The following ARHGAP32 variants were observed in gnomAD, a reference collection of about 807,000 sequenced individuals.
The protein encoded by ARHGAP32 is rho GTPase-activating protein 32.
In ARHGAP32, 51 loss-of-function variants were observed where a neutral mutation model predicts 186.5. The observed-to-expected ratio is 0.27, with a 90% CI of 0.22 to 0.35. The LOEUF is 0.35. ARHGAP32 is among the 10% of genes least tolerant of loss of function. ARHGAP32 has a pLI of 1.00. For missense variants in ARHGAP32, 2,186 were observed against 2,623.5 expected, an observed-to-expected ratio of 0.83 and a Z score of 3.64; for synonymous variants, 950 against 964.3, an observed-to-expected ratio of 0.99 and a Z score of 0.27.
At chr11:129,140,308 A>G (rs1172593018) in intron 2 of ARHGAP32, among the ~76,000 whole-genome samples, 1 of 152,196 alleles carries the variant, frequency 6.6e-6, no homozygotes, top group Non-Finnish European at 1.5e-5. Flanking sequence ...AACCCAGCCC[A>G]GCCAATACTT....
intron 2 of ARHGAP32, among the ~76,000 whole-genome samples, chr11:129,150,242 A>G (rs1347281197): frequency 6.6e-6 from 1 of 152,100 alleles, no homozygotes; most frequent in East Asian, 1.9e-4. Context: ...TAGAAAACTT[A>G]TTTGTAGGGT....
At chr11:129,064,784 T>C in intron 8 of ARHGAP32, 57 bp downstream of exon 8, 6 of 1,334,300 alleles carry the variant, frequency 4.5e-6, no homozygotes, top group Non-Finnish European at 6.3e-6. Flanking sequence ...TAATATCAAA[T>C]TTCTTAAGTA....
Position 129,141,637 on chromosome 11 carries a change from A to G in ARHGAP32, c.226-16743T>C, listed in dbSNP as rs113522680. The stretch of plus-strand genomic sequence containing the variant: ...AAAGTATAATTAAAAAAAAAAAAAG[A>G]AAGAAAAAATGGTTAAGATGGTAAA... On this transcript the variant is annotated intron_variant, in intron 2 of 22. Transcript: ENST00000682385. Among the ~76,000 whole-genome samples the G allele has an allele frequency of 4.6e-3, 694 of 150,958 alleles. 5 individuals carry two copies. Among genetic ancestry groups the G allele is most frequent in the Non-Finnish European group, 8.5e-3 (576 of 67,652 alleles).
chr11:129,241,048 C>CA (rs1234585084), intron 1 of ARHGAP32, among the ~76,000 whole-genome samples: 4 of 152,126 alleles, frequency 2.6e-5, no homozygotes, highest in Non-Finnish European at 5.9e-5. Context: ...CAGCTTTGAG[C>CA]AAGTTATTTA....
At chr11:129,161,076 T>C (rs773853158) in intron 2 of ARHGAP32, among the ~76,000 whole-genome samples, 14 of 152,162 alleles carry the variant, frequency 9.2e-5, no homozygotes, top group Admixed American at 5.2e-4. Context: ...ATTTAATAAA[T>C]AGTGTTACGA....
chr11:129,271,162 T>C (rs569358459), intron 1 of ARHGAP32, among the ~76,000 whole-genome samples: 2 of 152,334 alleles, frequency 1.3e-5, no homozygotes, highest in South Asian at 2.1e-4. Flanking sequence ...TAACATTATT[T>C]TGGCTCCCGT....
At chr11:128,999,366 C>T (rs1946290612) in intron 11 of ARHGAP32, among the ~76,000 whole-genome samples, 1 of 152,172 alleles carries the variant, frequency 6.6e-6, no homozygotes, top group Non-Finnish European at 1.5e-5. Context: ...AACCCTGTTT[C>T]CTGTTAAAAT....
At chr11:129,061,087 T>C (rs1223827173) in intron 10 of ARHGAP32, among the ~76,000 whole-genome samples, 1 of 152,140 alleles carries the variant, frequency 6.6e-6, no homozygotes, top group Non-Finnish European at 1.5e-5. Flanking sequence ...TATAAAAAGC[T>C]AATAATTCAT....
chr11:129,227,240 C>T (rs1305883805), intron 1 of ARHGAP32, among the ~76,000 whole-genome samples: 1 of 151,738 alleles, frequency 6.6e-6, no homozygotes, highest in African/African-American at 2.4e-5. Flanking sequence ...ATCCCCAGGG[C>T]AACCACTAAC....
rs1261095695 is a variant in ARHGAP32, at chr11:129,276,295, T to TG, written c.-5+2850_-5+2851insC. Among the ~76,000 whole-genome samples, 17 of 146,136 alleles carry TG rather than the reference T, an allele frequency of 1.2e-4. No homozygotes were observed. The East Asian group carries it at 3.5e-3, about 30-fold the overall frequency. On this transcript the variant is annotated intron_variant, in intron 1 of 6. Transcript: ENST00000525234. ...TAACACGTTCTCATTCCTTATCTGTTTTTGTTGTTGTTGTTGTTGTTTTGA... is the reference window on the plus strand; with the variant it reads ...TAACACGTTCTCATTCCTTATCTGTTGTTTGTTGTTGTTGTTGTTGTTTTGA...
intron 5 of ARHGAP32, among the ~76,000 whole-genome samples, chr11:129,099,562 C>A (rs1330007343): frequency 6.6e-6 from 1 of 151,652 alleles, no homozygotes; most frequent in Admixed American, 6.6e-5. Flanking sequence ...CACTTTAGAC[C>A]CAAATACACA....
At chr11:129,051,290 C>T (rs1940031022) in intron 10 of ARHGAP32, among the ~76,000 whole-genome samples, 1 of 152,208 alleles carries the variant, frequency 6.6e-6, no homozygotes, top group South Asian at 2.1e-4. Flanking sequence ...TTCTCCACAT[C>T]CTCTCCAGCA....
Position 128,969,186 on chromosome 11 carries a change from C to T in ARHGAP32, c.6027G>A (p.Gln2009=), listed in dbSNP as rs751704567. 1.2e-5 allele frequency: 19 copies of T among 1,613,694 alleles called. No individual in the cohort carries two copies. In the East Asian group the frequency reaches 4.2e-4, roughly 36 times the overall value. ...GCACACTGGGGTCCCTCTCCACGTT[C>T]TGGGTATGATGGAGTTTGAGGCTAT... is the stretch of plus-strand genomic sequence containing the variant. ...RSHSLKLHHT[Q]NVERDPSVLY... is the part of the protein sequence containing the mutation. Residue 2009 remains glutamine, a synonymous_variant, in exon 23 of 23, where the codon CAG becomes CAA. Transcript: ENST00000682385. This position sits in a 1 kb window ranked among gnomAD's most constrained non-coding sequence, Gnocchi z 4.8.
At chr11:129,259,866 TTTTG>T (rs1175647134) in intron 1 of ARHGAP32, among the ~76,000 whole-genome samples, 4 of 152,312 alleles carry the variant, frequency 2.6e-5, no homozygotes, top group Non-Finnish European at 2.9e-5. Flanking sequence ...CAATTAAGCT[TTTTG>T]TTTGTTTTGT....
chr11:129,263,096 A>G (rs1254259312), intron 1 of ARHGAP32, among the ~76,000 whole-genome samples: 2 of 152,204 alleles, frequency 1.3e-5, no homozygotes, highest in African/African-American at 4.8e-5. Flanking sequence ...AAATTAACTC[A>G]AAGTGGATCA....
At chr11:129,096,625 A>T (rs1296039055) in intron 5 of ARHGAP32, among the ~76,000 whole-genome samples, 1 of 152,052 alleles carries the variant, frequency 6.6e-6, no homozygotes, top group African/African-American at 2.4e-5. Context: ...AGACAAAAAG[A>T]ACACTGCCTC....
At chr11:129,271,868 TA>T (rs1268462614) in intron 1 of ARHGAP32, among the ~76,000 whole-genome samples, 1 of 151,952 alleles carries the variant, frequency 6.6e-6, no homozygotes, top group Non-Finnish European at 1.5e-5. Context: ...CAGTCTTGAT[TA>T]AAAACAATTT....
chr11:129,197,393 AT>A (rs1196966763), intron 1 of ARHGAP32, among the ~76,000 whole-genome samples: 1 of 152,238 alleles, frequency 6.6e-6, no homozygotes, highest in African/African-American at 2.4e-5. Flanking sequence ...ATGCTCTGAC[AT>A]CGTTGTTCCT....
At chr11:129,038,872 A>C (rs976953152) in intron 11 of ARHGAP32, among the ~76,000 whole-genome samples, 12 of 149,490 alleles carry the variant, frequency 8.0e-5, no homozygotes, top group African/African-American at 3.0e-4. Flanking sequence ...GTGGTGACAA[A>C]GAAAGACCCT....
Sources: allele counts gnomAD v4.1 joint callset (sites outside exome capture counted in the v4.1 genomes callset), GRCh38; gene constraint gnomAD v4.1.1; non-coding constraint Gnocchi (gnomAD v3.1); transcripts MANE v1.5; gene names NCBI Gene and HGNC (gene_info 2026-07-23, HGNC 2026-07-21).